The following FAM135B variants were observed in gnomAD, a reference collection of about 807,000 sequenced individuals.
FAM135B encodes family with sequence similarity 135 member B.
In FAM135B, 43 loss-of-function variants were observed where a neutral mutation model predicts 127.7. That is an observed-to-expected ratio of 0.34 (90% confidence interval 0.26 to 0.43). The LOEUF is 0.43. FAM135B is among the 20% of genes least tolerant of loss of function. The pLI is 1.00. For missense variants in FAM135B, 1,558 were observed against 1,725.6 expected, an observed-to-expected ratio of 0.90 and a Z score of 1.72; for synonymous variants, 670 against 665.1, an observed-to-expected ratio of 1.01 and a Z score of -0.11.
At chr8:138,411,856 A>G (rs543341387) in intron 1 of FAM135B, among the ~76,000 whole-genome samples, 1 of 152,336 alleles carries the variant, frequency 6.6e-6, no homozygotes, top group South Asian at 2.1e-4. Flanking sequence ...AAGAAAATGT[A>G]CATATGTGTC....
intron 1 of FAM135B, among the ~76,000 whole-genome samples, chr8:138,483,207 G>A (rs886564419): frequency 6.6e-6 from 1 of 152,106 alleles, no homozygotes; most frequent in Non-Finnish European, 1.5e-5. Flanking sequence ...ATTTCTTCTT[G>A]TGTTTGTTCT....
chr8:138,474,457 C>T (rs1814277529), intron 1 of FAM135B, among the ~76,000 whole-genome samples: 1 of 152,166 alleles, frequency 6.6e-6, no homozygotes, highest in South Asian at 2.1e-4. Flanking sequence ...TCAATCATAA[C>T]TTCCTCCCTC....
chr8:138,163,228 T>C (rs112545676), intron 12 of FAM135B, among the ~76,000 whole-genome samples: 6 of 152,088 alleles, frequency 3.9e-5, no homozygotes, highest in African/African-American at 1.2e-4. Context: ...TTTCACACGG[T>C]TAATAATTGT....
intron 2 of FAM135B, among the ~76,000 whole-genome samples, chr8:138,363,815 C>G (rs767327705): frequency 2.0e-5 from 3 of 152,106 alleles, no homozygotes; most frequent in Non-Finnish European, 4.4e-5. Flanking sequence ...TTCTGGCCAG[C>G]TATGTAACAA....
chr8:138,234,000 T>C (rs1039282811), intron 7 of FAM135B, among the ~76,000 whole-genome samples: 1 of 152,216 alleles, frequency 6.6e-6, no homozygotes, highest in African/African-American at 2.4e-5. Flanking sequence ...TCACACCTCA[T>C]TGTCATCACG....
chr8:138,424,607 A>T (rs1407189260), intron 1 of FAM135B, among the ~76,000 whole-genome samples: 1 of 152,166 alleles, frequency 6.6e-6, no homozygotes, highest in Non-Finnish European at 1.5e-5. Flanking sequence ...CCCTATTTTA[A>T]CACTAGAAAA....
At chr8:138,445,695 T>C (rs1836108393) in intron 1 of FAM135B, among the ~76,000 whole-genome samples, 1 of 152,124 alleles carries the variant, frequency 6.6e-6, no homozygotes, top group Admixed American at 6.6e-5. Flanking sequence ...ACGGCCAATA[T>C]CATACTGAAT....
chr8:138,374,467 C>G (rs1831339590), intron 1 of FAM135B, among the ~76,000 whole-genome samples: 1 of 152,224 alleles, frequency 6.6e-6, no homozygotes, highest in African/African-American at 2.4e-5. Flanking sequence ...GGGCTATAAG[C>G]CCCTAAAAAG....
At chr8:138,370,607 C>T (rs575206632) in intron 1 of FAM135B, among the ~76,000 whole-genome samples, 13 of 152,138 alleles carry the variant, frequency 8.5e-5, no homozygotes, top group African/African-American at 1.4e-4. Context: ...CCCACCACCA[C>T]GCCTGGCTAA....
Position 138,141,205 on chromosome 8 carries a change from A to G in FAM135B, c.3783T>C (p.Val1261=), listed in dbSNP as rs746411485. 3 of 1,614,066 alleles carry G rather than the reference A, an allele frequency of 1.9e-6. No individual in the cohort carries two copies. Among genetic ancestry groups the G allele is most frequent in the Non-Finnish European group, 2.5e-6 (3 of 1,179,976 alleles). Residue 1261 remains valine (V), a synonymous_variant, in exon 17 of 20, where the codon GTT becomes GTC. Transcript: ENST00000395297. This position sits in a 1 kb window ranked among gnomAD's most constrained non-coding sequence, Gnocchi z 4.7. ...GTCCTAGAAGAATCTTACCTGTACT[A>G]ACCAGGGTGCTGTTGTTGTACAGGG... is the stretch of plus-strand genomic sequence containing the variant. ...LGTLYNNSTL[V]STGLWLMQKL... is the part of the protein sequence containing the mutation.
chr8:138,278,274 G>A (rs1381449485), intron 3 of FAM135B, among the ~76,000 whole-genome samples: 1 of 150,730 alleles, frequency 6.6e-6, no homozygotes, highest in East Asian at 2.0e-4. Context: ...AGGTGATACT[G>A]CAACTTTCAG....
intron 3 of FAM135B, among the ~76,000 whole-genome samples, chr8:138,283,472 T>C (rs1433122890): frequency 1.3e-5 from 2 of 151,880 alleles, no homozygotes; most frequent in African/African-American, 2.4e-5. Context: ...GAGGGATTAA[T>C]AGGCAAAGCT....
intron 2 of FAM135B, among the ~76,000 whole-genome samples, chr8:138,350,237 C>G (rs1039648936): frequency 1.4e-4 from 22 of 152,130 alleles, no homozygotes; most frequent in African/African-American, 5.1e-4. Context: ...ACATGAAGTG[C>G]TTCATGTAAA....
chr8:138,425,992 T>TATATATATATAC (rs1490976603), intron 1 of FAM135B, among the ~76,000 whole-genome samples: 9 of 15,922 alleles, frequency 5.7e-4, no homozygotes, highest in Non-Finnish European at 8.0e-4. Context: ...TATATATATA[T>TATATATATATAC]ATATATATAT....
intron 1 of FAM135B, among the ~76,000 whole-genome samples, chr8:138,444,057 C>T (rs577707015): frequency 6.6e-6 from 1 of 152,004 alleles, no homozygotes; most frequent in Admixed American, 6.6e-5. Context: ...ACAAAGAAGG[C>T]CATTACATAA....
At chr8:138,219,894 T>C (rs1186879256) in intron 7 of FAM135B, among the ~76,000 whole-genome samples, 3 of 152,198 alleles carry the variant, frequency 2.0e-5, no homozygotes, top group African/African-American at 4.8e-5. Context: ...GAACTATTCA[T>C]AGACAACAGC....
intron 2 of FAM135B, among the ~76,000 whole-genome samples, chr8:138,353,915 C>T (rs2131135877): frequency 6.6e-6 from 1 of 152,194 alleles, no homozygotes; most frequent in Admixed American, 6.5e-5. Context: ...CCTATAAACT[C>T]ACATCAACTC....
intron 16 of FAM135B, among the ~76,000 whole-genome samples, chr8:138,142,285 C>CTTTTTTTTTTTTT (rs1166235927): frequency 1.0e-5 from 1 of 99,934 alleles, no homozygotes; most frequent in African/African-American, 3.7e-5. Context: ...CATTCTGCTT[C>CTTTTTTTTTTTTT]TTCTTTTTTT....
At chr8:138,454,844 C>G (rs911585525) in intron 1 of FAM135B, among the ~76,000 whole-genome samples, 7 of 152,186 alleles carry the variant, frequency 4.6e-5, no homozygotes, top group Admixed American at 2.0e-4. Flanking sequence ...ATGTTGCCCA[C>G]AATGCTGCAG....
Sources: gnomAD v4.1 joint callset for allele counts (sites outside exome capture counted in the v4.1 genomes callset) on GRCh38, gnomAD v4.1.1 for gene constraint, Gnocchi (gnomAD v3.1) non-coding constraint, MANE v1.5 for transcripts, NCBI Gene and HGNC (gene_info 2026-07-23, HGNC 2026-07-21) for gene names.